The following ACOT6 variants were observed in gnomAD, a reference collection of about 807,000 sequenced individuals.
The protein encoded by ACOT6 is acyl-CoA thioesterase 6.
ACOT6 carries 14 observed loss-of-function variants against 12.3 expected under a neutral mutation model. The observed-to-expected ratio is 1.14, with a 90% CI of 0.75 to 1.78. ACOT6 has a LOEUF of 1.78. Among genes scored for constraint, ACOT6 ranks in the 40% most tolerant of loss-of-function variants. The pLI is 0.00. For synonymous variants in ACOT6, 218 were observed against 231.3 expected, an observed-to-expected ratio of 0.94 and a Z score of 0.52; for missense variants, 523 against 551.8, an observed-to-expected ratio of 0.95 and a Z score of 0.52.
Position 73,619,863 on chromosome 14 carries a change from CATTAATAAAAATCCT to C in ACOT6, c.*28_*42del, listed in dbSNP as rs752466334. The C allele has an allele frequency of 1.3e-6, 2 of 1,534,960 alleles. No individual in the cohort carries two copies. Among genetic ancestry groups the C allele is most frequent in the Admixed American group, 4.4e-5 (2 of 45,382 alleles). ...AACATTGTAGCCACAGACCAGATAC[CATTAATAAAAATCCT>C]ATTCATACAACTTGTGTTGGGTTTT... On this transcript the variant is annotated 3_prime_UTR_variant, in exon 3 of 3. Transcript: ENST00000645972.
In ACOT6 at chr14:73,612,822, T is replaced by G; in HGVS notation, c.251T>G (p.Leu84Trp). Residue 84 changes from leucine to tryptophan, a missense_variant, in exon 1 of 3, where the codon TTG becomes TGG. Leu to Trp is a moderately conservative substitution (Grantham distance 61). Around this residue, in one of 2 missense-constraint regions of ACOT6, gnomAD observed 304 missense variants for 274.8 expected, o/e 1.11. Coordinates refer to ENST00000645972, the MANE Select transcript of ACOT6 (RefSeq NM_001365788.1). ...CAGCCCATGGGGCTGCTGTGGGCGT[T>G]GGAGCCCGAGAAAGCCTTGGTGCGG... Reference protein sequence around the residue: ...GLQPMGLLWALEPEKALVRLV... With the variant: ...GLQPMGLLWAWEPEKALVRLV... 7.0e-7 allele frequency: 1 copy of G among 1,423,894 alleles called. No individual in the cohort carries two copies. The highest frequency in any genetic ancestry group is 9.3e-7 in the Non-Finnish European group (1 of 1,075,198). 88.2% of individuals were successfully genotyped at this position (1,423,894 alleles called of 1,614,324 possible). A position where few individuals can be genotyped will look rare whatever the true frequency, so the allele number is the denominator to read the frequency against.
rs376923853 is a variant in ACOT6, at chr14:73,618,062, G to A, written c.660+870G>A. Among the ~76,000 whole-genome samples the A allele has an allele frequency of 9.9e-5, 15 of 152,060 alleles. No individual in the cohort carries two copies. In the South Asian group the frequency reaches 2.1e-3, roughly 21 times the overall value. Reference sequence around the variant, plus strand: ...GGAGGCTGAGGCAGGAGAATTGCTCGAACTCAGGAGGCAGAGGTTGCAGTG... The same window carrying A: ...GGAGGCTGAGGCAGGAGAATTGCTCAAACTCAGGAGGCAGAGGTTGCAGTG... On this transcript the variant is annotated intron_variant, in intron 2 of 2. Transcript: ENST00000645972.
intron 1 of ACOT6, among the ~76,000 whole-genome samples, chr14:73,613,838 G>C (rs1890489159): frequency 6.6e-6 from 1 of 152,016 alleles, no homozygotes; most frequent in Non-Finnish European, 1.5e-5. Flanking sequence ...AGGTAGCCCA[G>C]AAAGAAGACT....
Position 73,612,762 on chromosome 14 carries a change from G to T in ACOT6, c.191G>T (p.Arg64Leu). The T allele has an allele frequency of 7.3e-7, 1 of 1,369,346 alleles. No individual in the cohort carries two copies. The highest frequency in any genetic ancestry group is 9.4e-7 in the Non-Finnish European group (1 of 1,069,044). The allele number at this position is 1,369,346 out of a possible 1,614,324, so 84.8% of individuals were successfully genotyped here. ...GCCCGCGACGAGCTGGACCTGGAGC[G>T]CGCGCCCGCGCTGGGAGGCAGCTTC... ...ADARDELDLERAPALGGSFAG... is the reference protein window; with the variant it reads ...ADARDELDLELAPALGGSFAG... Residue 64 changes from arginine to leucine, a missense_variant, in exon 1 of 3, where the codon CGC becomes CTC. Physicochemically the swap from Arg to Leu is moderately radical, Grantham distance 102 (BLOSUM62 -2). This residue lies in a region of ACOT6 where 304 missense variants were observed against 274.8 expected (regional missense o/e 1.11). Transcript: ENST00000645972.
At position 73,612,665 on chromosome 14, in the gene ACOT6, G is replaced by C. The variant is rs1199282205; in HGVS notation, c.94G>C (p.Val32Leu). The change falls in exon 1 of 3, where the codon GTC (valine) becomes CTC (leucine). Residue 32 changes from valine to leucine, a missense_variant. Transcript: ENST00000645972. Reference sequence around the variant, plus strand: ...GCGCGGCCTGGCCCCGGAGCAGCCAGTCACGCTGCGCACGTCCCTGCGCGA... The same window carrying C: ...GCGCGGCCTGGCCCCGGAGCAGCCACTCACGCTGCGCACGTCCCTGCGCGA... ...AVRGLAPEQP[V>L]TLRTSLRDEE... 1.4e-6 allele frequency: 2 copies of C among 1,414,088 alleles called. No homozygotes were observed. The highest frequency in any genetic ancestry group is 3.0e-5 in the African/African-American group (2 of 66,748). The allele number at this position is 1,414,088 out of a possible 1,614,324, so 87.6% of individuals were successfully genotyped here.
rs1482309226 is a variant in ACOT6, at chr14:73,619,226, C to T, written c.661-8C>T. 1.3e-6 allele frequency: 2 copies of T among 1,539,028 alleles called. No individual in the cohort carries two copies. The highest frequency in any genetic ancestry group is 1.7e-6 in the Non-Finnish European group (2 of 1,146,878). On this transcript the variant is annotated splice_polypyrimidine_tract_variant and splice_region_variant and intron_variant, in intron 2 of 2. Transcript: ENST00000645972. ...TAAGCTTGTTTTCCTTCTCTTTTTC[C>T]TCAACAGGTGAAAGGTCCTAGTATT...
intron 1 of ACOT6, among the ~76,000 whole-genome samples, chr14:73,615,210 A>C (rs1890513327): frequency 6.7e-6 from 1 of 149,264 alleles, no homozygotes; most frequent in African/African-American, 2.5e-5. Context: ...AGATGGTGAA[A>C]CCCTGTCTCT....
At chr14:73,615,173 G>T (rs1357121723) in intron 1 of ACOT6, among the ~76,000 whole-genome samples, 5 of 150,286 alleles carry the variant, frequency 3.3e-5, no homozygotes, top group African/African-American at 1.2e-4. Context: ...GGATCACGAG[G>T]TCAGGAGTTC....
Position 73,619,425 on chromosome 14 carries a change from C to T in ACOT6, c.852C>T (p.Ile284=). The T allele has an allele frequency of 6.2e-7, 1 of 1,614,116 alleles. No individual in the cohort carries two copies. The highest frequency in any genetic ancestry group is 8.5e-7 in the Non-Finnish European group (1 of 1,180,014). Residue 284 remains isoleucine, a synonymous_variant, in exon 3 of 3, where the codon ATC becomes ATT. Coordinates refer to ENST00000645972, the MANE Select transcript of ACOT6 (RefSeq NM_001365788.1). The stretch of plus-strand genomic sequence containing the variant: ...TCGATGATCTAGGAAAAGTAAAAAT[C>T]ACTAAGTCAGGATTTCTCACTTTTA... ...KLVDDLGKVK[I]TKSGFLTFMD...
intron 2 of ACOT6, among the ~76,000 whole-genome samples, chr14:73,617,495 A>G (rs534663122): frequency 3.3e-5 from 5 of 152,220 alleles, no homozygotes; most frequent in African/African-American, 1.2e-4. Flanking sequence ...ATTTTCTCCC[A>G]TCTCTCTCTA....
chr14:73,617,717 G>A (rs191298629), intron 2 of ACOT6, among the ~76,000 whole-genome samples: 65 of 152,164 alleles, frequency 4.3e-4, no homozygotes, highest in Non-Finnish European at 7.5e-4. Flanking sequence ...GATATTTTTT[G>A]AGACAACTGG....
At position 73,617,094 on chromosome 14, in the gene ACOT6, C is replaced by T; in HGVS notation, c.562C>T (p.Leu188=). ...CGGACATGGTTTTGCTGTGCTTGCCCTGGCTTATTTCAGATTTGAAGACCT... is the reference window on the plus strand; with the variant it reads ...CGGACATGGTTTTGCTGTGCTTGCCTTGGCTTATTTCAGATTTGAAGACCT... ...LAGHGFAVLA[L]AYFRFEDLPE... Residue 188 remains leucine, a synonymous_variant, in exon 2 of 3, where the codon CTG becomes TTG. Coordinates refer to ENST00000645972, the MANE Select transcript of ACOT6 (RefSeq NM_001365788.1). 6.3e-7 allele frequency: 1 copy of T among 1,576,640 alleles called. No individual in the cohort carries two copies. The highest frequency in any genetic ancestry group is 1.4e-5 in the African/African-American group (1 of 73,988).
chr14:73,619,418 T>A lies in ACOT6; in HGVS notation c.845T>A (p.Val282Glu), dbSNP rs766736087. 9.3e-6 allele frequency: 15 copies of A among 1,614,176 alleles called. No individual in the cohort carries two copies. Among genetic ancestry groups the A allele is most frequent in the Non-Finnish European group, 1.1e-5 (13 of 1,180,034 alleles). ...IPKLVDDLGK[V>E]KITKSGFLTF... Reference sequence around the variant, plus strand: ...AAACTTGTCGATGATCTAGGAAAAGTAAAAATCACTAAGTCAGGATTTCTC... The same window carrying A: ...AAACTTGTCGATGATCTAGGAAAAGAAAAAATCACTAAGTCAGGATTTCTC... The change falls in exon 3 of 3, where the codon GTA becomes GAA. Residue 282 changes from valine (V) to glutamate (E), a missense_variant. Transcript: ENST00000645972.
At chr14:73,618,987 G>A (rs765653168) in intron 2 of ACOT6, among the ~76,000 whole-genome samples, 10 of 151,900 alleles carry the variant, frequency 6.6e-5, no homozygotes, top group Admixed American at 3.9e-4. Flanking sequence ...AAAATTAGCC[G>A]GGCGTGGTGG....
chr14:73,612,045 T>TC (rs1890452327), upstream of ACOT6, among the ~76,000 whole-genome samples: 2 of 126,242 alleles, frequency 1.6e-5, no homozygotes, highest in African/African-American at 6.3e-5. Context: ...TCATTAACTC[T>TC]TTTTTTTTTT....
In ACOT6 at chr14:73,619,608, T is replaced by C. The variant is rs1344051563; in HGVS notation, c.1035T>C (p.His345=). The change falls in exon 3 of 3, where the codon CAT becomes CAC. Residue 345 remains histidine (H), a synonymous_variant. Transcript: ENST00000645972. ...AQIASERLQA[H]GKERPQIICY... ...TAGCCTCTGAAAGGCTACAAGCTCA[T>C]GGGAAAGAAAGACCCCAGATAATCT... 4 of 1,614,074 alleles carry C rather than the reference T, an allele frequency of 2.5e-6. No homozygotes were observed. Among genetic ancestry groups the C allele is most frequent in the Non-Finnish European group, 3.4e-6 (4 of 1,180,044 alleles).
chr14:73,619,397 T>C lies in ACOT6; in HGVS notation c.824T>C (p.Leu275Pro). 2 of 1,614,176 alleles carry C rather than the reference T, an allele frequency of 1.2e-6. No homozygotes were observed. The highest frequency in any genetic ancestry group is 1.7e-6 in the Non-Finnish European group (2 of 1,180,034). Residue 275 changes from leucine to proline, a missense_variant, in exon 3 of 3, where the codon CTT (leucine) becomes CCT (proline). Coordinates refer to ENST00000645972, the MANE Select transcript of ACOT6 (RefSeq NM_001365788.1). ...LHYKDMIIPK[L>P]VDDLGKVKIT... is the part of the protein sequence containing the mutation. ...TACAAGGATATGATTATTCCTAAAC[T>C]TGTCGATGATCTAGGAAAAGTAAAA...
chr14:73,616,242 A>G (rs901408552), intron 1 of ACOT6, among the ~76,000 whole-genome samples: 11 of 152,086 alleles, frequency 7.2e-5, no homozygotes, highest in Non-Finnish European at 1.5e-4. Flanking sequence ...CACTGGGATT[A>G]TAGGCATGAA....
rs1032340347 is a variant in ACOT6 at position 73,616,812 on chromosome 14, C to A, written c.462-182C>A. 4 of 535,434 alleles carry A rather than the reference C, an allele frequency of 7.5e-6. No homozygotes were observed. The Admixed American group carries it at 1.4e-4, about 18-fold the overall frequency. The allele number at this position is 535,434 out of a possible 1,614,324, so 33.2% of individuals were successfully genotyped here. Reference sequence around the variant, plus strand: ...GTGCACCTGTCGCCTGAGTAGTATACATTGTACCCAATATGTAGTTTTTTA... The same window carrying A: ...GTGCACCTGTCGCCTGAGTAGTATAAATTGTACCCAATATGTAGTTTTTTA... On this transcript the variant is annotated intron_variant, in intron 1 of 2. Coordinates refer to ENST00000645972, the MANE Select transcript of ACOT6 (RefSeq NM_001365788.1).
Sources: allele counts gnomAD v4.1 joint callset (sites outside exome capture counted in the v4.1 genomes callset), GRCh38; gene constraint gnomAD v4.1.1; regional missense constraint gnomAD v4.1.1; transcripts MANE v1.5; gene names NCBI Gene and HGNC (gene_info 2026-07-23, HGNC 2026-07-21).